The following MGA variants were observed in gnomAD, a reference collection of about 807,000 sequenced individuals.
The protein encoded by MGA is MAX gene-associated protein.
Under a neutral mutation model 261.1 loss-of-function variants are expected in MGA, and 40 were observed. That is an observed-to-expected ratio of 0.15 (90% CI 0.12 to 0.20). MGA has a LOEUF of 0.20. MGA is among the 10% of genes least tolerant of loss of function. MGA has a pLI of 1.00. For missense variants in MGA, 3,397 were observed against 3,630.5 expected, an observed-to-expected ratio of 0.94 and a Z score of 1.65; for synonymous variants, 1,302 against 1,290.6, an observed-to-expected ratio of 1.01 and a Z score of -0.19.
At chr15:41,647,819 G>T (rs2056964595) in intron 1 of MGA, among the ~76,000 whole-genome samples, 1 of 152,010 alleles carries the variant, frequency 6.6e-6, no homozygotes, top group Non-Finnish European at 1.5e-5. Flanking sequence ...TATTTTGGGG[G>T]ATTACATACT....
At chr15:41,757,136 G>C (rs1292526997) in intron 18 of MGA, among the ~76,000 whole-genome samples, 1 of 152,184 alleles carries the variant, frequency 6.6e-6, no homozygotes, top group Admixed American at 6.5e-5. Context: ...TCTCAAGCTA[G>C]ATGGTTCATA....
intron 1 of MGA, among the ~76,000 whole-genome samples, chr15:41,626,310 G>T (rs1439272562): frequency 6.7e-6 from 1 of 148,626 alleles, no homozygotes; most frequent in Admixed American, 6.7e-5. Context: ...TTGACAAGTG[G>T]TCTTTCCATG....
At chr15:41,624,602 G>T (rs556126056) in intron 1 of MGA, among the ~76,000 whole-genome samples, 1 of 151,646 alleles carries the variant, frequency 6.6e-6, no homozygotes, top group African/African-American at 2.4e-5. Flanking sequence ...CAAAGTGCTC[G>T]GTGGGTGGCG....
At chr15:41,736,983 T>C (rs1007101322) in intron 13 of MGA, among the ~76,000 whole-genome samples, 22 of 152,202 alleles carry the variant, frequency 1.4e-4, no homozygotes, top group African/African-American at 7.2e-5. Context: ...CTGCAGGCTC[T>C]AGTGATACTT....
intron 9 of MGA, among the ~76,000 whole-genome samples, chr15:41,715,300 C>T (rs1301991109): frequency 6.6e-6 from 1 of 151,826 alleles, no homozygotes; most frequent in African/African-American, 2.4e-5. Context: ...CAGGCATGCA[C>T]CACCACACCT....
chr15:41,674,895 A>G (rs2058294645), intron 2 of MGA, among the ~76,000 whole-genome samples: 1 of 152,196 alleles, frequency 6.6e-6, no homozygotes, highest in Non-Finnish European at 1.5e-5. Context: ...CTAGATCAAA[A>G]TGTTCATTAT....
chr15:41,666,527 A>C (rs1438711984), intron 1 of MGA, among the ~76,000 whole-genome samples: 1 of 152,172 alleles, frequency 6.6e-6, no homozygotes, highest in Non-Finnish European at 1.5e-5. Context: ...CAAACCTTAT[A>C]TTATGCAGTA....
In MGA at chr15:41,676,422, G is replaced by A. The variant is rs573677038; in HGVS notation, c.1064+6464G>A. On this transcript the variant is annotated intron_variant, in intron 2 of 23. Coordinates refer to ENST00000219905, the MANE Select transcript of MGA (RefSeq NM_001164273.2). The stretch of plus-strand genomic sequence containing the variant: ...GCCCGCCTTGGCCTCCCCAAGTGCC[G>A]GGATTACAGGCGTGAGCCACCGTGC... Among the ~76,000 whole-genome samples, 5 of 152,336 alleles carry A rather than the reference G, an allele frequency of 3.3e-5. No individual in the cohort carries two copies. The South Asian group carries it at 8.3e-4, about 25-fold the overall frequency.
At chr15:41,761,684 T>A in intron 20 of MGA, 55 bp from the exon 21 acceptor site, 1 of 1,118,282 alleles carries the variant, frequency 8.9e-7, no homozygotes, top group Non-Finnish European at 1.3e-6. Flanking sequence ...AGGCCTTAGC[T>A]GTGTTTAAAG....
chr15:41,750,164 G>A lies in MGA; in HGVS notation c.6557G>A (p.Cys2186Tyr), dbSNP rs1375123188. Reference sequence around the variant, plus strand: ...CTGAAGGGCCCCTTAACCAGGAAATGTGTTGGAGCTTCACAGGAATGTAAG... The same window carrying A: ...CTGAAGGGCCCCTTAACCAGGAAATATGTTGGAGCTTCACAGGAATGTAAG... The change falls in exon 17 of 24, where the codon TGT (cysteine) becomes TAT (tyrosine). Residue 2186 changes from cysteine (C) to tyrosine (Y), a missense_variant. Coordinates refer to ENST00000219905, the MANE Select transcript of MGA (RefSeq NM_001164273.2). The A allele has an allele frequency of 6.2e-7, 1 of 1,613,948 alleles. No homozygotes were observed. The highest frequency in any genetic ancestry group is 1.1e-5 in the South Asian group (1 of 91,080).
intron 5 of MGA, among the ~76,000 whole-genome samples, chr15:41,704,822 G>A (rs901152870): frequency 3.3e-5 from 5 of 152,070 alleles, no homozygotes; most frequent in Admixed American, 6.6e-5. Flanking sequence ...GGCATTTTTG[G>A]CTATATCTTA....
At chr15:41,666,279 CAT>C (rs1427110590) in intron 1 of MGA, among the ~76,000 whole-genome samples, 1 of 152,192 alleles carries the variant, frequency 6.6e-6, no homozygotes, top group Non-Finnish European at 1.5e-5. Context: ...TTTTCCAAGT[CAT>C]CAAGTTTTCC....
chr15:41,628,457 T>C (rs1034613387), intron 1 of MGA, among the ~76,000 whole-genome samples: 9 of 150,932 alleles, frequency 6.0e-5, no homozygotes, highest in African/African-American at 2.2e-4. Flanking sequence ...TTAGGTGGGT[T>C]GCCAGGCAAG....
chr15:41,624,828 G>A (rs146495329), intron 1 of MGA, among the ~76,000 whole-genome samples: 3 of 152,194 alleles, frequency 2.0e-5, no homozygotes, highest in African/African-American at 7.2e-5. Flanking sequence ...TAAAAAACTG[G>A]GAAAACAGTT....
intron 1 of MGA, among the ~76,000 whole-genome samples, 170 bp from the exon 2 acceptor site, chr15:41,668,658 A>G (rs1364606259): frequency 6.6e-6 from 1 of 152,248 alleles, no homozygotes; most frequent in Non-Finnish European, 1.5e-5. Context: ...GATATTCCAG[A>G]GTAAATATTC....
intron 1 of MGA, among the ~76,000 whole-genome samples, chr15:41,639,576 G>A (rs1003139206): frequency 3.7e-4 from 55 of 150,384 alleles, no homozygotes; most frequent in African/African-American, 1.2e-3. Context: ...ATGGAGTCTC[G>A]CTCTGTCGTC....
chr15:41,647,447 T>G (rs192728690), intron 1 of MGA, among the ~76,000 whole-genome samples: 1 of 142,632 alleles, frequency 7.0e-6, no homozygotes, highest in African/African-American at 2.8e-5. Flanking sequence ...CTTATGAAAC[T>G]GTGTAGTTCC....
chr15:41,653,563 G>C (rs1264970731), intron 1 of MGA, among the ~76,000 whole-genome samples: 1 of 151,262 alleles, frequency 6.6e-6, no homozygotes, highest in East Asian at 1.9e-4. Flanking sequence ...ATATATATTA[G>C]CCAGTTGTGG....
intron 1 of MGA, among the ~76,000 whole-genome samples, chr15:41,662,587 A>G (rs371665380): frequency 6.6e-6 from 1 of 152,190 alleles, no homozygotes; most frequent in Non-Finnish European, 1.5e-5. Flanking sequence ...AAATAAGCAA[A>G]TGATGGTTAA....
Sources: allele counts gnomAD v4.1 joint callset (sites outside exome capture counted in the v4.1 genomes callset), GRCh38; gene constraint gnomAD v4.1.1; transcripts MANE v1.5; gene names NCBI Gene and HGNC (gene_info 2026-07-23, HGNC 2026-07-21).